Variants in SERPINB6 observed in about 807,000 individuals in gnomAD.
SERPINB6 encodes serpin B6.
In SERPINB6, 16 loss-of-function variants were observed where a neutral mutation model predicts 26.1. The ratio of observed to expected loss-of-function variants is 0.61; its 90% confidence interval spans 0.42 to 0.93. The LOEUF (loss-of-function observed/expected upper bound fraction) is 0.93. Among genes scored for constraint, SERPINB6 ranks in the 40% least tolerant of loss-of-function variants. SERPINB6 has a pLI of 0.00. For synonymous variants in SERPINB6, 174 were observed against 176.6 expected (o/e 0.99, Z 0.11); for missense variants, 420 against 478.0 (o/e 0.88, Z 1.13).
rs139977068 is a variant in SERPINB6 at position 2,954,014 on chromosome 6, G to A, written c.430+578C>T. On this transcript the variant is annotated intron_variant, in intron 4 of 6. Transcript: ENST00000380539. ...CATTGCACTCCAGCCTGGGCAATAAGAGCAAAACTCCATCTCAAAGAAAAA... is the reference window on the plus strand; with the variant it reads ...CATTGCACTCCAGCCTGGGCAATAAAAGCAAAACTCCATCTCAAAGAAAAA... Among the ~76,000 whole-genome samples the A allele has an allele frequency of 9.3e-3, 1,389 of 149,642 alleles. 21 individuals are homozygous for A. The highest frequency in any genetic ancestry group is 0.033 in the African/African-American group (1,320 of 40,602).
At chr6:2,963,469 ACT>A (rs1561687672) in intron 1 of SERPINB6, 1 of 152,232 alleles carries the variant, frequency 6.6e-6, no homozygotes, top group Non-Finnish European at 1.5e-5. Flanking sequence ...TCTGTAGTTC[ACT>A]CTCTTAACAC....
At chr6:2,953,552 C>T (rs1299931688) in intron 4 of SERPINB6, among the ~76,000 whole-genome samples, 1 of 152,134 alleles carries the variant, frequency 6.6e-6, no homozygotes, top group African/African-American at 2.4e-5. Flanking sequence ...ACAGTTAGGC[C>T]AGACACAGTG....
At chr6:2,966,588 A>G (rs550519922) in intron 1 of SERPINB6, 110 of 163,470 alleles carry the variant, frequency 6.7e-4, no homozygotes, top group African/African-American at 2.6e-3. Flanking sequence ...TCTTGGTTGC[A>G]TGCTGCGTAT....
At chr6:2,970,819 G>C (rs1772077460) in intron 1 of SERPINB6, 3 of 1,225,942 alleles carry the variant, frequency 2.4e-6, no homozygotes, top group African/African-American at 1.6e-5. Flanking sequence ...GCCTGTAATA[G>C]TTTGCCTGTA....
At position 2,959,232 on chromosome 6, in the gene SERPINB6, A is replaced by T; in HGVS notation, c.101T>A (p.Met34Lys). Residue 34 changes from methionine to lysine, a missense_variant, in exon 2 of 7, where the codon ATG becomes AAG. By Grantham distance (95) the Met-to-Lys change is moderately conservative. Coordinates refer to ENST00000380539, the MANE Select transcript of SERPINB6 (RefSeq NM_004568.6). ...SKNVFFSPMS[M>K]SCALAMVYMG... Reference sequence around the variant, plus strand: ...GTAGACCATGGCCAGGGCACAGGACATGCTCATGGGTGAGAAAAACACATT... The same window carrying T: ...GTAGACCATGGCCAGGGCACAGGACTTGCTCATGGGTGAGAAAAACACATT... 6.2e-7 allele frequency: 1 copy of T among 1,614,220 alleles called. No homozygotes were observed. Among genetic ancestry groups the T allele is most frequent in the African/African-American group, 1.3e-5 (1 of 75,070 alleles).
intron 4 of SERPINB6, among the ~76,000 whole-genome samples, chr6:2,953,686 A>C (rs1310348088): frequency 6.6e-6 from 1 of 152,154 alleles, no homozygotes; most frequent in East Asian, 1.9e-4. Flanking sequence ...ATTTATTAAA[A>C]TTAGCTGGGC....
At chr6:2,968,587 A>G in intron 1 of SERPINB6, 1 of 1,211,634 alleles carries the variant, frequency 8.3e-7, no homozygotes, top group Non-Finnish European at 1.0e-6. Context: ...GGATACCACA[A>G]TTATAGTTTA....
At chr6:2,970,570 T>C (rs1395753461) in intron 1 of SERPINB6, 52 of 1,208,830 alleles carry the variant, frequency 4.3e-5, no homozygotes, top group Middle Eastern at 3.2e-4. Context: ...TGCAGGCAGC[T>C]GCAGGGCTGT....
chr6:2,964,663 G>T (rs1278796824), intron 1 of SERPINB6, among the ~76,000 whole-genome samples: 1 of 152,060 alleles, frequency 6.6e-6, no homozygotes, highest in African/African-American at 2.4e-5. Context: ...AAATCAGGTG[G>T]TGTTAAAAGA....
At chr6:2,958,587 G>A (rs115514541) in intron 2 of SERPINB6, among the ~76,000 whole-genome samples, 1,873 of 152,096 alleles carry the variant, frequency 0.012, 48 homozygotes, top group African/African-American at 0.042. Flanking sequence ...AGAAGGCCAC[G>A]GAGAAGACGC....
intron 1 of SERPINB6, chr6:2,963,947 A>T (rs1404530260): frequency 6.6e-6 from 1 of 152,094 alleles, no homozygotes; most frequent in African/African-American, 2.4e-5. Flanking sequence ...CTGCTGACAC[A>T]CCTCATGACT....
rs1771747851 is a variant in SERPINB6, at chr6:2,967,587, A to C, written c.-11+3946T>G. ...TCCAGCATCTATATGGAACTTAAAC[A>C]AATTTACAAGAAGAAAACAAACAAC... On this transcript the variant is annotated intron_variant, in intron 1 of 6. Coordinates refer to ENST00000380539, the MANE Select transcript of SERPINB6 (RefSeq NM_004568.6). The surrounding 1 kb of genome is among the most constrained non-coding windows in gnomAD (Gnocchi z 4.3). 6.6e-6 allele frequency: 1 copy of C among 152,236 alleles called. No homozygotes were observed. Among genetic ancestry groups the C allele is most frequent in the Non-Finnish European group, 1.5e-5 (1 of 68,032 alleles). The allele number at this position is 152,236 out of a possible 1,614,324, so 9.4% of individuals were successfully genotyped here.
chr6:2,953,316 T>C (rs1194886502), intron 4 of SERPINB6, 130 bp from the exon 5 acceptor site: 6 of 1,237,510 alleles, frequency 4.8e-6, no homozygotes, highest in African/African-American at 1.5e-5. Context: ...CCCCCAAATA[T>C]AAAGGGATAC....
chr6:2,958,866 A>G (rs1561682327), intron 2 of SERPINB6, among the ~76,000 whole-genome samples: 5 of 152,168 alleles, frequency 3.3e-5, no homozygotes, highest in Non-Finnish European at 5.9e-5. Context: ...AGATCATCAC[A>G]GGACTCAACC....
At chr6:2,958,574 C>T (rs563603622) in intron 2 of SERPINB6, among the ~76,000 whole-genome samples, 204 of 87,596 alleles carry the variant, frequency 2.3e-3, no homozygotes, top group Middle Eastern at 6.3e-3. Context: ...AAGGCCCCAG[C>T]GGAGAAGGCC....
Position 2,948,577 on chromosome 6 carries a change from A to G in SERPINB6, c.852T>C (p.Ser284=). 1.2e-6 allele frequency: 2 copies of G among 1,613,882 alleles called. No homozygotes were observed. The highest frequency in any genetic ancestry group is 1.7e-6 in the Non-Finnish European group (2 of 1,179,972). ...FKLEESYDME[S]VLRNLGMTDA... ...CAGTCATGCCCAGGTTGCGCAGGACACTCTCCATGTCGTAGCTTTCCTCTA... is the reference window on the plus strand; with the variant it reads ...CAGTCATGCCCAGGTTGCGCAGGACGCTCTCCATGTCGTAGCTTTCCTCTA... The change falls in exon 7 of 7, where the codon AGT becomes AGC. Residue 284 remains serine, a synonymous_variant. Transcript: ENST00000380539. The surrounding 1 kb of genome is among the most constrained non-coding windows in gnomAD (Gnocchi z 5.0).
In SERPINB6 at chr6:2,948,825, C is replaced by A; in HGVS notation, c.729+89G>T. On this transcript the variant is annotated intron_variant, in intron 6 of 6. Transcript: ENST00000380539. This position sits in a 1 kb window ranked among gnomAD's most constrained non-coding sequence, Gnocchi z 5.0. The stretch of plus-strand genomic sequence containing the variant: ...TGGTCAGCAGCGCTCCAGTGTTAAA[C>A]GGCTGACCGCAAAGTAGGGACAGCA... The A allele has an allele frequency of 6.3e-7, 1 of 1,590,438 alleles. No individual in the cohort carries two copies. The highest frequency in any genetic ancestry group is 8.6e-7 in the Non-Finnish European group (1 of 1,160,734).
In SERPINB6 at chr6:2,959,328, T is replaced by C. The variant is rs1178074123; in HGVS notation, c.5A>G (p.Asp2Gly). 6.2e-7 allele frequency: 1 copy of C among 1,614,104 alleles called. No homozygotes were observed. Among genetic ancestry groups the C allele is most frequent in the Non-Finnish European group, 8.5e-7 (1 of 1,180,034 alleles). Residue 2 changes from aspartate (D) to glycine (G), a missense_variant, in exon 2 of 7, where the codon GAT (aspartate) becomes GGT (glycine). Physicochemically the swap from Asp to Gly is moderately conservative, Grantham distance 94. Transcript: ENST00000380539. M[D>G]VLAEANGTFA... ...GGTGCCATTTGCTTCTGCGAGAACATCCATGATGGCAGACCTGGAACAAGA... is the reference window on the plus strand; with the variant it reads ...GGTGCCATTTGCTTCTGCGAGAACACCCATGATGGCAGACCTGGAACAAGA...
intron 4 of SERPINB6, among the ~76,000 whole-genome samples, chr6:2,953,865 C>T (rs1770103586): frequency 6.6e-6 from 1 of 151,718 alleles, no homozygotes; most frequent in East Asian, 1.9e-4. Flanking sequence ...CCTGTCTCTA[C>T]TAAAAAATAC....
Sources: gnomAD v4.1 joint callset for allele counts (sites outside exome capture counted in the v4.1 genomes callset) on GRCh38, gnomAD v4.1.1 for gene constraint, Gnocchi (gnomAD v3.1) non-coding constraint, MANE v1.5 for transcripts, NCBI Gene and HGNC (gene_info 2026-07-23, HGNC 2026-07-21) for gene names.